IL36A: variants seen among roughly 807,000 people sequenced by gnomAD.
IL36A encodes interleukin-36 alpha.
IL36A carries 13 observed loss-of-function variants against 12.7 expected under a neutral mutation model. The ratio of observed to expected loss-of-function variants is 1.02; its 90% CI spans 0.67 to 1.63. The LOEUF is 1.63. Ranked by LOEUF, IL36A falls within the 40% of genes most tolerant of loss-of-function variation. The pLI is 0.00. For synonymous variants in IL36A, 73 were observed against 71.9 expected, an observed-to-expected ratio of 1.01 and a Z score of -0.08; for missense variants, 195 against 192.9, an observed-to-expected ratio of 1.01 and a Z score of -0.07.
In IL36A at chr2:113,006,728, G is replaced by T. The variant is rs770506071; in HGVS notation, c.255G>T (p.Leu85=). 1 of 1,613,888 alleles carries T rather than the reference G, an allele frequency of 6.2e-7. No homozygotes were observed. The highest frequency in any genetic ancestry group is 1.1e-5 in the South Asian group (1 of 91,012). ...MCAKVGDQPT[L]QLKEKDIMDL... ...CTAAAGTCGGGGACCAGCCCACACT[G>T]CAGCTGAAGGTGAGTGTGGAAGACA... Residue 85 remains leucine, a synonymous_variant, in exon 3 of 4, where the codon CTG becomes CTT. Transcript: ENST00000259211.
Position 113,006,827 on chromosome 2 carries a change from C to T in IL36A, c.264+90C>T, listed in dbSNP as rs11901453. 4.2e-4 allele frequency: 592 copies of T among 1,403,332 alleles called. 3 individuals are homozygous for T. In the African/African-American group the frequency reaches 8.2e-3, roughly 20 times the overall value. 86.9% of individuals were successfully genotyped at this position (1,403,332 alleles called of 1,614,324 possible). On this transcript the variant is annotated intron_variant, in intron 3 of 3. Coordinates refer to ENST00000259211, the MANE Select transcript of IL36A (RefSeq NM_014440.3). ...AGACAATGTACTTATTATGCTCATG[C>T]ATTTTTATTTTTGGTTTCCTTGGGG...
Position 113,007,882 on chromosome 2 carries a change from T to G in IL36A, c.315T>G (p.Phe105Leu), listed in dbSNP as rs1258770863. The change falls in exon 4 of 4, where the codon TTT becomes TTG. Residue 105 changes from phenylalanine (F) to leucine (L), a missense_variant. Coordinates refer to ENST00000259211, the MANE Select transcript of IL36A (RefSeq NM_014440.3). ...ACCAACCCGAGCCTGTGAAGTCCTTTCTCTTCTACCACAGCCAGAGTGGCA... is the reference window on the plus strand; with the variant it reads ...ACCAACCCGAGCCTGTGAAGTCCTTGCTCTTCTACCACAGCCAGAGTGGCA... The part of the protein sequence containing the change: ...LYNQPEPVKS[F>L]LFYHSQSGRN... The G allele has an allele frequency of 1.2e-6, 2 of 1,614,188 alleles. No homozygotes were observed. The highest frequency in any genetic ancestry group is 2.2e-5 in the South Asian group (2 of 91,084).
At chr2:113,009,320 A>G (rs1031973689), downstream of IL36A, among the ~76,000 whole-genome samples, 6 of 152,062 alleles carry the variant, frequency 3.9e-5, no homozygotes, top group Non-Finnish European at 7.4e-5. Context: ...GTATATACCC[A>G]AAAGACTATA....
rs1684618199 is a variant in IL36A at position 113,006,203 on chromosome 2, A to G, written c.124+116A>G. 1.5e-5 allele frequency: 11 copies of G among 722,900 alleles called. No homozygotes were observed. In the South Asian group the frequency reaches 1.7e-4, roughly 11 times the overall value. The allele number at this position is 722,900 out of a possible 1,614,324, so 44.8% of individuals were successfully genotyped here. ...ACCGGGCATATCTACAGAGAGGAGCATCTCACAGACAATAATGAATAGAGG... is the reference window on the plus strand; with the variant it reads ...ACCGGGCATATCTACAGAGAGGAGCGTCTCACAGACAATAATGAATAGAGG... On this transcript the variant is annotated intron_variant, in intron 2 of 3. Transcript: ENST00000259211.
chr2:113,006,575 C>G, intron 2 of IL36A, 23 bp from the exon 3 acceptor site: 1 of 1,613,190 alleles, frequency 6.2e-7, no homozygotes, highest in Non-Finnish European at 8.5e-7. Flanking sequence ...AGCTGAACAC[C>G]ACTTTTCACA....
chr2:113,007,904 G>A lies in IL36A; in HGVS notation c.337G>A (p.Gly113Ser). The change falls in exon 4 of 4, where the codon GGC becomes AGC. Residue 113 changes from glycine to serine, a missense_variant. Transcript: ENST00000259211. ...CTTTCTCTTCTACCACAGCCAGAGT[G>A]GCAGGAACTCCACCTTCGAGTCTGT... ...KSFLFYHSQS[G>S]RNSTFESVAF... 2 of 1,614,186 alleles carry A rather than the reference G, an allele frequency of 1.2e-6. No homozygotes were observed. The highest frequency in any genetic ancestry group is 1.7e-6 in the Non-Finnish European group (2 of 1,180,026).
At position 113,005,616 on chromosome 2, in the gene IL36A, T is replaced by G. The variant is rs1684597993; in HGVS notation, c.-256T>G. On this transcript the variant is annotated 5_prime_UTR_variant, in exon 1 of 4. Transcript: ENST00000259211. ...CTTGGCACTCTTTGTCATATTAGAG[T>G]TCCTGGGTCTAGGCCTGGGCAGGAT... 1 of 581,786 alleles carries G rather than the reference T, an allele frequency of 1.7e-6. No homozygotes were observed. Among genetic ancestry groups the G allele is most frequent in the African/African-American group, 1.9e-5 (1 of 53,474 alleles). 36.0% of individuals were successfully genotyped at this position (581,786 alleles called of 1,614,324 possible). A position where few individuals can be genotyped will look rare whatever the true frequency, so the allele number is the denominator to read the frequency against.
downstream of IL36A, among the ~76,000 whole-genome samples, chr2:113,010,532 C>A (rs1343401118): frequency 6.6e-6 from 1 of 152,176 alleles, no homozygotes; most frequent in African/African-American, 2.4e-5. Context: ...GATATTGGAT[C>A]TCCTAAACTC....
downstream of IL36A, among the ~76,000 whole-genome samples, chr2:113,009,245 A>T (rs1684692480): frequency 6.6e-6 from 1 of 150,460 alleles, no homozygotes; most frequent in South Asian, 2.2e-4. Flanking sequence ...GTTGGTCGTC[A>T]GTGTGGCGAT....
chr2:113,005,997 C>A lies in IL36A; in HGVS notation c.34C>A (p.Gln12Lys). 6.2e-7 allele frequency: 1 copy of A among 1,613,638 alleles called. No homozygotes were observed. The highest frequency in any genetic ancestry group is 8.5e-7 in the Non-Finnish European group (1 of 1,179,578). Residue 12 changes from glutamine (Q) to lysine (K), a missense_variant, in exon 2 of 4, where the codon CAG becomes AAG. By Grantham distance (53) the Gln-to-Lys change is moderately conservative (BLOSUM62 1). Coordinates refer to ENST00000259211, the MANE Select transcript of IL36A (RefSeq NM_014440.3). ...AGCATTGAAAATTGACACACCTCAG[C>A]AGGGGAGCATTCAGGATATCAATCA... ...EKALKIDTPQ[Q>K]GSIQDINHRV...
rs188916293 is a variant in IL36A at position 113,006,725 on chromosome 2, A to T, written c.252A>T (p.Thr84=). The T allele has an allele frequency of 1.9e-6, 3 of 1,613,936 alleles. No homozygotes were observed. The highest frequency in any genetic ancestry group is 3.3e-5 in the Admixed American group (2 of 59,990). ...GTGCTAAAGTCGGGGACCAGCCCAC[A>T]CTGCAGCTGAAGGTGAGTGTGGAAG... ...LMCAKVGDQP[T]LQLKEKDIMD... The change falls in exon 3 of 4, where the codon ACA becomes ACT. Residue 84 remains threonine (T), a synonymous_variant. Transcript: ENST00000259211.
At chr2:113,007,129 C>T (rs946754426) in intron 3 of IL36A, among the ~76,000 whole-genome samples, 11 of 152,128 alleles carry the variant, frequency 7.2e-5, no homozygotes, top group Non-Finnish European at 1.6e-4. Flanking sequence ...CTTCAATAAT[C>T]GCAATTTTCC....
In IL36A at chr2:113,008,004, A is replaced by C; in HGVS notation, c.437A>C (p.Lys146Thr). 1 of 1,614,216 alleles carries C rather than the reference A, an allele frequency of 6.2e-7. No homozygotes were observed. The highest frequency in any genetic ancestry group is 8.5e-7 in the Non-Finnish European group (1 of 1,180,038). ...CPLILTQELGKANTTDFGLTM... is the reference protein window; with the variant it reads ...CPLILTQELGTANTTDFGLTM... ...CTCATCCTTACCCAAGAACTGGGGA[A>C]AGCCAACACTACTGACTTTGGGTTA... Residue 146 changes from lysine to threonine, a missense_variant, in exon 4 of 4, where the codon AAA becomes ACA. Lys to Thr is a moderately conservative substitution (Grantham distance 78). Transcript: ENST00000259211.
intron 3 of IL36A, 79 bp from the exon 4 acceptor site, chr2:113,007,753 C>A: frequency 1.7e-6 from 2 of 1,146,996 alleles, no homozygotes; most frequent in Non-Finnish European, 2.6e-6. Context: ...TATCCTTGGA[C>A]GTGGAATATC....
chr2:113,008,646 C>A (rs186839656), downstream of IL36A: 2 of 162,022 alleles, frequency 1.2e-5, no homozygotes, highest in South Asian at 1.6e-4. Context: ...AGTATCAAGA[C>A]CTTTTGGATT....
Position 113,005,745 on chromosome 2 carries a change from T to G in IL36A, c.-127T>G. 1 of 1,019,180 alleles carries G rather than the reference T, an allele frequency of 9.8e-7. No homozygotes were observed. 63.1% of individuals were successfully genotyped at this position (1,019,180 alleles called of 1,614,324 possible). A position where few individuals can be genotyped will look rare whatever the true frequency, so the allele number is the denominator to read the frequency against. ...ATTCTGACTGGGGTCACTGCTGGGCTGGCCGCCAGTCTTTCATCTGACCCA... is the reference window on the plus strand; with the variant it reads ...ATTCTGACTGGGGTCACTGCTGGGCGGGCCGCCAGTCTTTCATCTGACCCA... On this transcript the variant is annotated 5_prime_UTR_variant, in exon 1 of 4. Transcript: ENST00000259211.
rs1553459880 is a variant in IL36A at position 113,006,680 on chromosome 2, A to G, written c.207A>G (p.Gly69=). 6.2e-7 allele frequency: 1 copy of G among 1,614,050 alleles called. No homozygotes were observed. Among genetic ancestry groups the G allele is most frequent in the Non-Finnish European group, 8.5e-7 (1 of 1,179,998 alleles). The part of the protein sequence containing the change: ...RGNPIYLGLN[G]LNLCLMCAKV... ...ACCCCATCTACCTGGGCCTGAATGG[A>G]CTCAATCTCTGCCTGATGTGTGCTA... The change falls in exon 3 of 4, where the codon GGA becomes GGG. Residue 69 remains glycine (G), a synonymous_variant. Coordinates refer to ENST00000259211, the MANE Select transcript of IL36A (RefSeq NM_014440.3).
chr2:113,006,178 A>G, intron 2 of IL36A, 91 bp downstream of exon 2: 1 of 818,048 alleles, frequency 1.2e-6, no homozygotes, highest in Admixed American at 1.9e-5. Flanking sequence ...GGGCTTGTTA[A>G]CCGGGCATAT....
downstream of IL36A, chr2:113,008,184 C>T (rs765291547): frequency 5.6e-5 from 41 of 729,352 alleles, no homozygotes; most frequent in Non-Finnish European, 9.2e-5. Context: ...ATGCAGTGAC[C>T]TAAGTGCTGG....
Sources: gnomAD v4.1 joint callset for allele counts (sites outside exome capture counted in the v4.1 genomes callset) on GRCh38, gnomAD v4.1.1 for gene constraint, MANE v1.5 for transcripts, NCBI Gene and HGNC (gene_info 2026-07-23, HGNC 2026-07-21) for gene names.